The following SCD5 variants were observed in gnomAD, a reference collection of about 807,000 sequenced individuals.
SCD5 encodes the protein stearoyl-CoA desaturase 5.
A neutral mutation model predicts 30.4 loss-of-function variants in SCD5; 20 were observed. The ratio of observed to expected loss-of-function variants is 0.66; its 90% confidence interval spans 0.46 to 0.96. SCD5 has a LOEUF of 0.96. Ranked by LOEUF, SCD5 falls within the 40% of genes least tolerant of loss-of-function variation. The pLI, the probability that SCD5 is intolerant of heterozygous loss-of-function variation, is 0.00. For missense variants in SCD5, 381 were observed against 443.3 expected (o/e 0.86, Z 1.26); for synonymous variants, 173 against 176.4 (o/e 0.98, Z 0.16).
At chr4:82,654,078 G>A (rs1487646300) in intron 3 of SCD5, among the ~76,000 whole-genome samples, 2 of 152,034 alleles carry the variant, frequency 1.3e-5, no homozygotes, top group Non-Finnish European at 2.9e-5. Context: ...CCACCACCCT[G>A]GCTAATTATT....
intron 3 of SCD5, chr4:82,661,156 T>A: frequency 8.0e-7 from 1 of 1,254,916 alleles, no homozygotes; most frequent in Non-Finnish European, 1.2e-6. Context: ...AGTGCTCCTG[T>A]AGAAATTGTG....
intron 3 of SCD5, among the ~76,000 whole-genome samples, chr4:82,651,794 T>C (rs1018703344): frequency 6.6e-6 from 1 of 152,162 alleles, no homozygotes; most frequent in Admixed American, 6.5e-5. Context: ...AAGCCTGTAG[T>C]CCTAGCTACT....
At position 82,730,546 on chromosome 4, in the gene SCD5, T is replaced by C. The variant is rs556917956; in HGVS notation, c.233-25133A>G. Among the ~76,000 whole-genome samples the C allele has an allele frequency of 8.2e-3, 1,233 of 150,584 alleles. 18 individuals are homozygous for C. Among genetic ancestry groups the C allele is most frequent in the African/African-American group, 0.028 (1,170 of 41,152 alleles). ...CTCCTGACATCATGATCCGCCCACC[T>C]TGGCCTCCCAAAGGAAAATATATGT... On this transcript the variant is annotated intron_variant, in intron 1 of 4. Coordinates refer to ENST00000319540, the MANE Select transcript of SCD5 (RefSeq NM_001037582.3).
intron 2 of SCD5, among the ~76,000 whole-genome samples, chr4:82,685,482 G>A (rs1451177655): frequency 6.6e-6 from 1 of 152,138 alleles, no homozygotes; most frequent in Non-Finnish European, 1.5e-5. Flanking sequence ...AGAGGCCGAG[G>A]TGGGCGAACC....
intron 1 of SCD5, among the ~76,000 whole-genome samples, chr4:82,756,776 T>A (rs538061883): frequency 4.0e-5 from 6 of 150,754 alleles, no homozygotes; most frequent in African/African-American, 1.5e-4. Context: ...CAACACAACA[T>A]CTCCCTCCTT....
chr4:82,700,427 A>G (rs956568349), intron 2 of SCD5, among the ~76,000 whole-genome samples: 3 of 152,118 alleles, frequency 2.0e-5, no homozygotes, highest in Admixed American at 2.0e-4. Context: ...AGACAAAGAG[A>G]AAATCTTGAA....
intron 1 of SCD5, among the ~76,000 whole-genome samples, chr4:82,786,424 A>T (rs1721988775): frequency 6.6e-6 from 1 of 152,216 alleles, no homozygotes; most frequent in Non-Finnish European, 1.5e-5. Flanking sequence ...AAGAAAATAA[A>T]TTTAAACCTG....
At chr4:82,636,975 T>C in intron 3 of SCD5, 152 bp from the exon 4 acceptor site, 2 of 655,616 alleles carry the variant, frequency 3.1e-6, no homozygotes, top group Non-Finnish European at 2.6e-6. Flanking sequence ...GCCTGTTGTG[T>C]AGGGGTCACA....
At chr4:82,714,258 A>C (rs1720174260) in intron 1 of SCD5, among the ~76,000 whole-genome samples, 1 of 152,168 alleles carries the variant, frequency 6.6e-6, no homozygotes, top group Admixed American at 6.5e-5. Context: ...AACTTACTGA[A>C]TATTGCCTCT....
At chr4:82,636,889 T>A in intron 3 of SCD5, 66 bp from the exon 4 acceptor site, 1 of 1,384,402 alleles carries the variant, frequency 7.2e-7, no homozygotes, top group Non-Finnish European at 9.8e-7. Flanking sequence ...GCTGAGCAAG[T>A]CACAGGAAAA....
In SCD5 at chr4:82,798,416, T is replaced by C. The variant is rs1722277040; in HGVS notation, c.122A>G (p.Gln41Arg). ...ATTCCTCCAGACGATGTTCTGCCGC[T>C]GCCCGCGCGCGCCTGGCCTCTCCGG... ...GGPERPGARG[Q>R]RQNIVWRNVV... The change falls in exon 1 of 5, where the codon CAG becomes CGG. Residue 41 changes from glutamine (Q) to arginine (R), a missense_variant. Gln to Arg is a conservative substitution (Grantham distance 43, BLOSUM62 1). Transcript: ENST00000319540. 4 of 1,613,186 alleles carry C rather than the reference T, an allele frequency of 2.5e-6. No individual in the cohort carries two copies. In the South Asian group the frequency reaches 4.4e-5, roughly 18 times the overall value.
intron 3 of SCD5, chr4:82,660,732 G>T: frequency 2.0e-6 from 3 of 1,468,578 alleles, no homozygotes; most frequent in Non-Finnish European, 2.7e-6. Flanking sequence ...TCAACTGATT[G>T]AATCAATAAA....
In SCD5 at chr4:82,698,696, C is replaced by T. The variant is rs368807971; in HGVS notation, c.363+6587G>A. On this transcript the variant is annotated intron_variant, in intron 2 of 4. Transcript: ENST00000319540. Reference sequence around the variant, plus strand: ...CTCCTTGGACACAGCATCCTCATTCCTGGTTTTGCTTTGACTCCTCCCTCT... The same window carrying T: ...CTCCTTGGACACAGCATCCTCATTCTTGGTTTTGCTTTGACTCCTCCCTCT... Among the ~76,000 whole-genome samples, 41 of 152,292 alleles carry T rather than the reference C, an allele frequency of 2.7e-4. 1 individual carries two copies. The South Asian group carries it at 7.9e-3, about 29-fold the overall frequency.
chr4:82,655,297 G>T (rs1727846996), intron 3 of SCD5, among the ~76,000 whole-genome samples: 1 of 152,126 alleles, frequency 6.6e-6, no homozygotes, highest in South Asian at 2.1e-4. Flanking sequence ...ATTTAAGGAA[G>T]TTCACAGGTA....
At chr4:82,696,526 A>G (rs1231052866) in intron 2 of SCD5, among the ~76,000 whole-genome samples, 1 of 152,234 alleles carries the variant, frequency 6.6e-6, no homozygotes, top group Non-Finnish European at 1.5e-5. Flanking sequence ...AGGCTTACAC[A>G]TTTTGTTAAT....
In SCD5 at chr4:82,631,250, A is replaced by G. The variant is rs1184282454; in HGVS notation, c.*77T>C. ...ACCCTCTGCCCCCTCCCACGATCCA[A>G]TGTACAAGAGAGCTATTGTAACCAA... is the stretch of plus-strand genomic sequence containing the variant. On this transcript the variant is annotated 3_prime_UTR_variant, in exon 5 of 5. Coordinates refer to ENST00000319540, the MANE Select transcript of SCD5 (RefSeq NM_001037582.3). 13 of 1,328,780 alleles carry G rather than the reference A, an allele frequency of 9.8e-6. No individual in the cohort carries two copies. In the African/African-American group the frequency reaches 1.3e-4, roughly 13 times the overall value. The allele number at this position is 1,328,780 out of a possible 1,614,324, so 82.3% of individuals were successfully genotyped here.
At chr4:82,777,863 C>T (rs1253567046) in intron 1 of SCD5, among the ~76,000 whole-genome samples, 1 of 150,908 alleles carries the variant, frequency 6.6e-6, no homozygotes, top group Non-Finnish European at 1.5e-5. Flanking sequence ...GTCTCTTCAC[C>T]GAGCAACACT....
rs144258548 is a variant in SCD5, at chr4:82,759,527, C to G, written c.232+38779G>C. Among the ~76,000 whole-genome samples, 20 of 152,104 alleles carry G rather than the reference C, an allele frequency of 1.3e-4. No individual in the cohort carries two copies. The East Asian group carries it at 3.7e-3, about 28-fold the overall frequency. On this transcript the variant is annotated intron_variant, in intron 1 of 4. Transcript: ENST00000319540. ...AGACAAGCTCCCTCAACACTCTGCT[C>G]AGGATCATTTCAGCTGGGCGCAGCA...
chr4:82,713,612 C>A (rs1197301053), intron 1 of SCD5, among the ~76,000 whole-genome samples: 1 of 152,194 alleles, frequency 6.6e-6, no homozygotes, highest in Non-Finnish European at 1.5e-5. Flanking sequence ...ACTGAAACAT[C>A]ATCTCCAGGA....
Sources: allele counts gnomAD v4.1 joint callset (sites outside exome capture counted in the v4.1 genomes callset), GRCh38; gene constraint gnomAD v4.1.1; transcripts MANE v1.5; gene names NCBI Gene and HGNC (gene_info 2026-07-23, HGNC 2026-07-21).